MAGI2: variants seen among roughly 807,000 people sequenced by gnomAD.
The protein encoded by MAGI2 is membrane-associated guanylate kinase, WW and PDZ domain-containing protein 2.
MAGI2 carries 35 observed loss-of-function variants against 133.3 expected under a neutral mutation model. The ratio of observed to expected loss-of-function variants is 0.26; its 90% CI spans 0.20 to 0.35. The LOEUF (loss-of-function observed/expected upper bound fraction) is 0.35, where lower values mean the gene tolerates loss of function less well. Among genes scored for constraint, MAGI2 ranks in the 10% least tolerant of loss-of-function variants. MAGI2 has a pLI of 1.00. For missense variants in MAGI2, 1,636 were observed against 1,863.4 expected (o/e 0.88, Z 2.25); for synonymous variants, 729 against 710.6 (o/e 1.03, Z -0.41).
At chr7:78,445,456 T>C (rs1437391634) in intron 6 of MAGI2, among the ~76,000 whole-genome samples, 1 of 152,078 alleles carries the variant, frequency 6.6e-6, no homozygotes, top group Non-Finnish European at 1.5e-5. Context: ...TGTATACTTG[T>C]TTGAGAATGT....
At chr7:78,570,856 T>C (rs1801427253) in intron 3 of MAGI2, among the ~76,000 whole-genome samples, 1 of 152,204 alleles carries the variant, frequency 6.6e-6, no homozygotes, top group Non-Finnish European at 1.5e-5. Context: ...GTGCCCTAAA[T>C]ACATTAACAA....
intron 2 of MAGI2, among the ~76,000 whole-genome samples, chr7:78,936,421 T>G (rs192179835): frequency 5.9e-5 from 9 of 151,980 alleles, no homozygotes; most frequent in African/African-American, 2.2e-4. Context: ...AATAATATGT[T>G]GATAATCCAT....
chr7:78,136,952 G>T (rs1822205737), intron 16 of MAGI2, among the ~76,000 whole-genome samples: 1 of 151,616 alleles, frequency 6.6e-6, no homozygotes, highest in Non-Finnish European at 1.5e-5. Flanking sequence ...TCATCATGTT[G>T]GAAACTAAAA....
chr7:78,749,658 G>A (rs1035016814), intron 2 of MAGI2, among the ~76,000 whole-genome samples: 5 of 152,128 alleles, frequency 3.3e-5, no homozygotes, highest in African/African-American at 9.7e-5. Context: ...GGCCTCAAAT[G>A]CCAAGCTAGG....
intron 1 of MAGI2, among the ~76,000 whole-genome samples, chr7:79,443,584 C>T (rs1848641049): frequency 1.3e-5 from 2 of 152,052 alleles, no homozygotes; most frequent in South Asian, 4.2e-4. Flanking sequence ...CACATAGCAA[C>T]ACAAAATACT....
intron 9 of MAGI2, among the ~76,000 whole-genome samples, chr7:78,292,699 G>A (rs1264491608): frequency 6.6e-6 from 1 of 152,184 alleles, no homozygotes; most frequent in Non-Finnish European, 1.5e-5. Context: ...CAAGGCTACA[G>A]TAACAAAAAC....
chr7:79,030,790 C>G (rs555818368), intron 1 of MAGI2, among the ~76,000 whole-genome samples: 2 of 152,158 alleles, frequency 1.3e-5, no homozygotes, highest in Admixed American at 1.3e-4. Context: ...TTAGAGTTCC[C>G]AAAACTTCAT....
intron 2 of MAGI2, among the ~76,000 whole-genome samples, chr7:78,681,848 T>C (rs1020175949): frequency 6.6e-6 from 1 of 152,142 alleles, no homozygotes; most frequent in African/African-American, 2.4e-5. Flanking sequence ...GTGTTTCTCA[T>C]AAAAACCTAA....
intron 1 of MAGI2, among the ~76,000 whole-genome samples, chr7:79,276,461 G>C (rs771526906): frequency 1.3e-5 from 2 of 152,090 alleles, no homozygotes; most frequent in Non-Finnish European, 2.9e-5. Flanking sequence ...CTTTCTGAAG[G>C]CTCAGATGAT....
chr7:78,135,335 A>G (rs943240292), intron 16 of MAGI2, 129 bp from the exon 17 acceptor site: 1 of 772,840 alleles, frequency 1.3e-6, no homozygotes, highest in Non-Finnish European at 2.1e-6. Context: ...TTTTGAAATC[A>G]CACTAATTTC....
chr7:79,136,028 G>C, intron 1 of MAGI2, among the ~76,000 whole-genome samples: 1 of 51,664 alleles, frequency 1.9e-5, no homozygotes, highest in East Asian at 6.1e-4. Flanking sequence ...AAAGAAAGAA[G>C]GAAAGAAAGA....
At chr7:78,487,543 C>T (rs1339851443) in intron 6 of MAGI2, among the ~76,000 whole-genome samples, 1 of 152,052 alleles carries the variant, frequency 6.6e-6, no homozygotes, top group Admixed American at 6.6e-5. Context: ...ACCTGCAAAA[C>T]GTTTTCTAAA....
intron 1 of MAGI2, among the ~76,000 whole-genome samples, chr7:79,334,884 A>G (rs1420063687): frequency 1.3e-5 from 2 of 152,168 alleles, no homozygotes; most frequent in African/African-American, 2.4e-5. Flanking sequence ...TCAATTACAT[A>G]TGTATGACAT....
At chr7:78,233,762 T>C (rs1312019914) in intron 10 of MAGI2, among the ~76,000 whole-genome samples, 1 of 152,134 alleles carries the variant, frequency 6.6e-6, no homozygotes, top group Non-Finnish European at 1.5e-5. Context: ...GATGAAGTGG[T>C]TCCCTGAGTG....
In MAGI2 at chr7:78,194,949, T is replaced by C. The variant is rs371457226; in HGVS notation, c.2194A>G (p.Thr732Ala). 5.0e-6 allele frequency: 8 copies of C among 1,613,998 alleles called. No individual in the cohort carries two copies. The highest frequency in any genetic ancestry group is 1.3e-5 in the African/African-American group (1 of 74,912). Residue 732 changes from threonine to alanine, a missense_variant, in exon 12 of 22, where the codon ACA becomes GCA. Around this residue, in one of 5 missense-constraint regions of MAGI2, gnomAD observed 920 missense variants for 1,093.5 expected, o/e 0.84. Transcript: ENST00000354212. ...GGCTTCCGTGGGTCAAAGGCCTCTG[T>C]TGAGTCAGGAAAGGAGCTCCTGTGA... ...ALHRSSFPDS[T>A]EAFDPRKPDP... is the part of the protein sequence containing the mutation.
chr7:78,877,115 T>C (rs1201651342), intron 2 of MAGI2, among the ~76,000 whole-genome samples: 1 of 152,208 alleles, frequency 6.6e-6, no homozygotes, highest in Non-Finnish European at 1.5e-5. Context: ...CAAATCTTTG[T>C]TTAGGGAGTG....
intron 1 of MAGI2, among the ~76,000 whole-genome samples, chr7:79,256,832 C>T (rs1528275): frequency 0.61 from 93,139 of 151,940 alleles, 29,694 homozygotes; most frequent in Non-Finnish European, 0.7. Context: ...AATCTCTCTC[C>T]TCTAAGATCT....
chr7:78,258,425 T>C (rs1249676471), intron 9 of MAGI2, among the ~76,000 whole-genome samples: 2 of 152,188 alleles, frequency 1.3e-5, no homozygotes, highest in Admixed American at 1.3e-4. Context: ...AACAAATACT[T>C]GTATACTAAC....
At chr7:79,159,964 A>G (rs1279066292) in intron 1 of MAGI2, among the ~76,000 whole-genome samples, 1 of 152,122 alleles carries the variant, frequency 6.6e-6, no homozygotes, top group Non-Finnish European at 1.5e-5. Context: ...GTCTCTAATC[A>G]AGTAACTTAC....
Sources: allele counts gnomAD v4.1 joint callset (sites outside exome capture counted in the v4.1 genomes callset), GRCh38; gene constraint gnomAD v4.1.1; regional missense constraint gnomAD v4.1.1; transcripts MANE v1.5; gene names NCBI Gene and HGNC (gene_info 2026-07-23, HGNC 2026-07-21).